The following RANBP17 variants were observed in gnomAD, a reference collection of about 807,000 sequenced individuals.
RANBP17 encodes the protein RAN binding protein 17, also known as ran-binding protein 17.
A neutral mutation model predicts 141.2 loss-of-function variants in RANBP17; 158 were observed. The ratio of observed to expected loss-of-function variants is 1.12; its 90% CI spans 0.98 to 1.28. The LOEUF (loss-of-function observed/expected upper bound fraction) is 1.28, where lower values mean the gene tolerates loss of function less well. Ranked by LOEUF, RANBP17 falls within the 50% of genes most tolerant of loss-of-function variation. The pLI is 0.00. For synonymous variants in RANBP17, 430 were observed against 450.0 expected (o/e 0.96, Z 0.56); for missense variants, 1,438 against 1,290.7 (o/e 1.11, Z -1.75).
chr5:171,159,937 A>T (rs911203029), intron 14 of RANBP17, among the ~76,000 whole-genome samples: 1 of 150,902 alleles, frequency 6.6e-6, no homozygotes, highest in Admixed American at 6.6e-5. Context: ...AAAAAAAAAA[A>T]AAAAGAAAAA....
chr5:171,182,420 T>C lies in RANBP17; in HGVS notation c.1866-747T>C, dbSNP rs554578662. On this transcript the variant is annotated intron_variant, in intron 16 of 27. Coordinates refer to ENST00000523189, the MANE Select transcript of RANBP17 (RefSeq NM_022897.5). ...AAGTTGAACTGTTCAGATGATAATG[T>C]GGTACAGCAGAAAGAACATGGCCTT... Among the ~76,000 whole-genome samples, 5 of 152,330 alleles carry C rather than the reference T, an allele frequency of 3.3e-5. No individual in the cohort carries two copies. The South Asian group carries it at 1.0e-3, about 32-fold the overall frequency.
intron 13 of RANBP17, among the ~76,000 whole-genome samples, chr5:170,959,830 TC>T (rs1259011005): frequency 6.6e-6 from 1 of 152,222 alleles, no homozygotes; most frequent in Non-Finnish European, 1.5e-5. Flanking sequence ...ATCCTCTTCA[TC>T]TTAAACATTG....
chr5:170,957,321 G>A (rs1284712863), intron 13 of RANBP17, among the ~76,000 whole-genome samples: 1 of 152,054 alleles, frequency 6.6e-6, no homozygotes, highest in East Asian at 1.9e-4. Context: ...AGGGAGAAGA[G>A]TACATTTTTA....
chr5:171,290,524 T>C (rs1394681887), intron 25 of RANBP17, among the ~76,000 whole-genome samples: 1 of 152,198 alleles, frequency 6.6e-6, no homozygotes, highest in Non-Finnish European at 1.5e-5. Flanking sequence ...TCACACAACA[T>C]TGCTTTGTTT....
In RANBP17 at chr5:171,073,858, C is replaced by T. The variant is rs143618386; in HGVS notation, c.1711-96272C>T. Among the ~76,000 whole-genome samples the T allele has an allele frequency of 1.8e-3, 270 of 147,970 alleles. 2 individuals carry two copies. The highest frequency in any genetic ancestry group is 6.1e-3 in the African/African-American group (246 of 40,178). On this transcript the variant is annotated intron_variant, in intron 14 of 27. Coordinates refer to ENST00000523189, the MANE Select transcript of RANBP17 (RefSeq NM_022897.5). ...GTACTTTTTTTTTTTTTTTAAAGCA[C>T]GGAACAGTTTCAGCAACAAAATGGG...
At chr5:170,902,512 T>G (rs774228057) in intron 5 of RANBP17, among the ~76,000 whole-genome samples, 2 of 152,206 alleles carry the variant, frequency 1.3e-5, no homozygotes, top group African/African-American at 2.4e-5. Flanking sequence ...TTCTGAAGCC[T>G]CCTTCTGTCA....
intron 14 of RANBP17, among the ~76,000 whole-genome samples, chr5:171,148,199 G>C (rs549499475): frequency 2.0e-5 from 3 of 152,148 alleles, no homozygotes; most frequent in African/African-American, 4.8e-5. Context: ...CAGCATGCTC[G>C]TTAAGAGTCA....
At chr5:170,894,748 T>C (rs1239425731) in intron 4 of RANBP17, among the ~76,000 whole-genome samples, 1 of 151,996 alleles carries the variant, frequency 6.6e-6, no homozygotes, top group Non-Finnish European at 1.5e-5. Context: ...TCTACTGATA[T>C]ACTCAGGAGA....
At chr5:171,198,261 T>G (rs920682743) in intron 18 of RANBP17, among the ~76,000 whole-genome samples, 3 of 152,206 alleles carry the variant, frequency 2.0e-5, no homozygotes, top group African/African-American at 7.2e-5. Context: ...GAGATTATAA[T>G]TTGGTCTGCC....
intron 12 of RANBP17, among the ~76,000 whole-genome samples, chr5:170,950,443 C>T (rs1214454671): frequency 6.6e-6 from 1 of 151,820 alleles, no homozygotes; most frequent in African/African-American, 2.4e-5. Flanking sequence ...AGACATTTCT[C>T]AAAAGGAGAA....
intron 18 of RANBP17, among the ~76,000 whole-genome samples, chr5:171,196,556 C>A (rs368400663): frequency 6.6e-6 from 1 of 152,178 alleles, no homozygotes; most frequent in Non-Finnish European, 1.5e-5. Flanking sequence ...ACCGTAATCA[C>A]CTCTCTAAGT....
chr5:171,219,164 G>A (rs914014171), intron 21 of RANBP17, among the ~76,000 whole-genome samples: 2 of 152,122 alleles, frequency 1.3e-5, no homozygotes, highest in African/African-American at 4.8e-5. Context: ...TAGTTTGGCT[G>A]GATATGAAAT....
At chr5:170,930,009 G>A (rs1773217967) in intron 12 of RANBP17, among the ~76,000 whole-genome samples, 1 of 152,038 alleles carries the variant, frequency 6.6e-6, no homozygotes, top group Admixed American at 6.6e-5. Flanking sequence ...AATATCTCCA[G>A]AAGCTGAAGT....
chr5:171,274,111 AGTGTGT>A lies in RANBP17; in HGVS notation c.2943+8298_2943+8303del, dbSNP rs372324815. ...ATAAAAATAAAGTTTAGTTTGATCA[AGTGTGT>A]GTGTGTGTGTGTGTGTGTGTGTGTG... is the stretch of plus-strand genomic sequence containing the variant. On this transcript the variant is annotated intron_variant, in intron 25 of 27. Transcript: ENST00000523189. 6.0e-3 allele frequency among the ~76,000 whole-genome samples: 859 copies of A among 143,182 alleles called. 5 individuals are homozygous for A. The highest frequency in any genetic ancestry group is 0.014 in the African/African-American group (546 of 38,758). The allele number at this position is 143,182 out of a possible 152,430, so 93.9% of individuals were successfully genotyped here. A position where few individuals can be genotyped will look rare whatever the true frequency, so the allele number is the denominator to read the frequency against.
At position 171,170,199 on chromosome 5, in the gene RANBP17, A is replaced by G. The variant is rs1379105320; in HGVS notation, c.1780A>G (p.Lys594Glu). 4.5e-6 allele frequency: 7 copies of G among 1,550,634 alleles called. No homozygotes were observed. Among genetic ancestry groups the G allele is most frequent in the Non-Finnish European group, 5.3e-6 (6 of 1,141,820 alleles). The part of the protein sequence containing the change: ...DNHVLETFMT[K>E]IVTNLKYWGR... ...CCACGTTCTAGAGACGTTCATGACA[A>G]AAATGTGAGTTCTTGTTTTGGTCTT... The change falls in exon 15 of 28, where the codon AAA (lysine) becomes GAA (glutamate). Residue 594 changes from lysine (K) to glutamate (E), a missense_variant. Physicochemically the swap from Lys to Glu is moderately conservative, Grantham distance 56 (BLOSUM62 1). Transcript: ENST00000523189.
chr5:171,250,319 TAAAA>T (rs1185611675), intron 24 of RANBP17, among the ~76,000 whole-genome samples: 6 of 152,216 alleles, frequency 3.9e-5, no homozygotes, highest in Middle Eastern at 3.4e-3. Flanking sequence ...CACAAGAGTT[TAAAA>T]TTCACTAGTA....
intron 14 of RANBP17, among the ~76,000 whole-genome samples, chr5:171,155,034 C>T (rs1758767462): frequency 1.4e-5 from 2 of 144,508 alleles, no homozygotes; most frequent in South Asian, 2.2e-4. Flanking sequence ...GCTGAAATCA[C>T]GCCACTGCAC....
intron 14 of RANBP17, among the ~76,000 whole-genome samples, chr5:171,073,872 C>A (rs1784763981): frequency 6.7e-6 from 1 of 150,288 alleles, no homozygotes. Flanking sequence ...ACAGTTTCAG[C>A]AACAAAATGG....
intron 13 of RANBP17, among the ~76,000 whole-genome samples, chr5:170,955,466 C>CTATATATA (rs10610368): frequency 4.1e-5 from 5 of 123,072 alleles, no homozygotes; most frequent in African/African-American, 1.6e-4. Context: ...ATATATATAT[C>CTATATATA]TATATATATA....
Sources: allele counts gnomAD v4.1 joint callset (sites outside exome capture counted in the v4.1 genomes callset), GRCh38; gene constraint gnomAD v4.1.1; transcripts MANE v1.5; gene names NCBI Gene and HGNC (gene_info 2026-07-23, HGNC 2026-07-21).